CACNA2D3: variants seen among roughly 807,000 people sequenced by gnomAD.
The protein encoded by CACNA2D3 is voltage-dependent calcium channel subunit alpha-2/delta-3.
Under a neutral mutation model 160.6 loss-of-function variants are expected in CACNA2D3, and 60 were observed. The observed-to-expected ratio is 0.37, with a 90% confidence interval of 0.30 to 0.46. The LOEUF (loss-of-function observed/expected upper bound fraction) is 0.46. Ranked by LOEUF, CACNA2D3 falls within the 20% of genes least tolerant of loss-of-function variation. The pLI is 1.00. For missense variants in CACNA2D3, 1,205 were observed against 1,365.0 expected, an observed-to-expected ratio of 0.88 and a Z score of 1.85; for synonymous variants, 558 against 492.9, an observed-to-expected ratio of 1.13 and a Z score of -1.75.
chr3:54,642,295 T>A, intron 11 of CACNA2D3, 54 bp downstream of exon 11: 1 of 1,020,886 alleles, frequency 9.8e-7, no homozygotes, highest in Non-Finnish European at 1.5e-6. Flanking sequence ...ATCTTTACTG[T>A]AATCTCCAGC....
At chr3:55,032,248 T>A (rs553159334) in intron 35 of CACNA2D3, among the ~76,000 whole-genome samples, 35 of 152,210 alleles carry the variant, frequency 2.3e-4, no homozygotes, top group Non-Finnish European at 1.9e-4. Context: ...GAATTCCTGT[T>A]GGCATCCATG....
intron 4 of CACNA2D3, among the ~76,000 whole-genome samples, chr3:54,408,805 A>AT (rs1231361877): frequency 6.6e-6 from 1 of 152,028 alleles, no homozygotes; most frequent in East Asian, 1.9e-4. Flanking sequence ...TATCTTGTTA[A>AT]TTTTTTTCAC....
chr3:54,631,583 G>C (rs1374309447), intron 10 of CACNA2D3, among the ~76,000 whole-genome samples: 6 of 152,192 alleles, frequency 3.9e-5, no homozygotes, highest in African/African-American at 1.4e-4. Context: ...ATCGTGGCTG[G>C]AGCTTAGAAT....
chr3:54,736,005 A>G (rs1396290056), intron 11 of CACNA2D3, among the ~76,000 whole-genome samples: 2 of 101,114 alleles, frequency 2.0e-5, no homozygotes, highest in African/African-American at 7.6e-5. Context: ...ATATATATAT[A>G]TGTATATATA....
chr3:54,496,624 A>T (rs1379355610), intron 4 of CACNA2D3, among the ~76,000 whole-genome samples: 1 of 152,194 alleles, frequency 6.6e-6, no homozygotes, highest in South Asian at 2.1e-4. Flanking sequence ...GGTGAATTTG[A>T]TGACCAGAAG....
chr3:54,979,121 C>T (rs933642883), intron 29 of CACNA2D3, among the ~76,000 whole-genome samples: 1 of 152,124 alleles, frequency 6.6e-6, no homozygotes, highest in Admixed American at 6.5e-5. Context: ...CCCCAGATAT[C>T]TATGAGTTGA....
chr3:54,149,127 T>C (rs1038659377), intron 2 of CACNA2D3, among the ~76,000 whole-genome samples: 1 of 152,048 alleles, frequency 6.6e-6, no homozygotes, highest in Non-Finnish European at 1.5e-5. Context: ...TGGGGAGATG[T>C]TCTGGAGGTA....
At chr3:54,199,730 G>A (rs1559880000) in intron 2 of CACNA2D3, among the ~76,000 whole-genome samples, 1 of 152,128 alleles carries the variant, frequency 6.6e-6, no homozygotes, top group South Asian at 2.1e-4. Flanking sequence ...GCATGCAATT[G>A]TTAAAAATAG....
chr3:54,738,602 T>C (rs1025388989), intron 11 of CACNA2D3, among the ~76,000 whole-genome samples: 2 of 152,184 alleles, frequency 1.3e-5, no homozygotes, highest in African/African-American at 2.4e-5. Flanking sequence ...TTAAAATACA[T>C]TGTTCCTCTT....
At chr3:55,051,457 C>T (rs1264036674) in intron 35 of CACNA2D3, among the ~76,000 whole-genome samples, 1 of 152,112 alleles carries the variant, frequency 6.6e-6, no homozygotes, top group Non-Finnish European at 1.5e-5. Flanking sequence ...AGGCAGTCTG[C>T]CCTTTCTCAG....
intron 27 of CACNA2D3, among the ~76,000 whole-genome samples, chr3:54,931,176 C>T (rs1223024287): frequency 2.6e-5 from 4 of 152,184 alleles, no homozygotes; most frequent in Non-Finnish European, 5.9e-5. Flanking sequence ...CTGGCTGCTC[C>T]CACCTAAAAC....
At chr3:54,620,707 C>T (rs1698965969) in intron 9 of CACNA2D3, among the ~76,000 whole-genome samples, 1 of 152,160 alleles carries the variant, frequency 6.6e-6, no homozygotes, top group Admixed American at 6.5e-5. Flanking sequence ...CACCTGCATG[C>T]TGTAGTTTAT....
At chr3:54,505,650 T>C (rs1264654288) in intron 5 of CACNA2D3, among the ~76,000 whole-genome samples, 1 of 152,202 alleles carries the variant, frequency 6.6e-6, no homozygotes, top group Non-Finnish European at 1.5e-5. Context: ...ATTCAATATA[T>C]TCCCAACTGA....
intron 2 of CACNA2D3, among the ~76,000 whole-genome samples, chr3:54,266,631 T>C (rs1461573140): frequency 6.6e-6 from 1 of 152,174 alleles, no homozygotes; most frequent in African/African-American, 2.4e-5. Flanking sequence ...GGTGACTAGA[T>C]GAATGAATGA....
intron 8 of CACNA2D3, among the ~76,000 whole-genome samples, chr3:54,579,942 A>AC (rs1702646856): frequency 6.6e-6 from 1 of 152,232 alleles, no homozygotes; most frequent in African/African-American, 2.4e-5. Flanking sequence ...TTATATGACT[A>AC]AAAGCAAAGA....
intron 4 of CACNA2D3, among the ~76,000 whole-genome samples, chr3:54,437,872 C>T (rs1700083719): frequency 6.6e-6 from 1 of 152,204 alleles, no homozygotes; most frequent in Non-Finnish European, 1.5e-5. Context: ...GACAGACACT[C>T]ATTGGCTGAG....
chr3:54,318,432 T>C (rs754315428), intron 2 of CACNA2D3, among the ~76,000 whole-genome samples: 2 of 152,170 alleles, frequency 1.3e-5, no homozygotes, highest in Non-Finnish European at 2.9e-5. Context: ...TAGGACCATG[T>C]AAAGCAGTTC....
intron 35 of CACNA2D3, among the ~76,000 whole-genome samples, chr3:55,055,764 C>T (rs1704345040): frequency 1.3e-5 from 2 of 151,994 alleles, no homozygotes; most frequent in African/African-American, 2.4e-5. Context: ...CTTTGACCTC[C>T]TTGGTTAAAT....
chr3:54,749,096 C>T (rs1701809708), intron 11 of CACNA2D3, among the ~76,000 whole-genome samples: 1 of 152,174 alleles, frequency 6.6e-6, no homozygotes, highest in African/African-American at 2.4e-5. Flanking sequence ...AATGTCATTA[C>T]TTTCTTTTCA....
Sources: allele counts gnomAD v4.1 joint callset (sites outside exome capture counted in the v4.1 genomes callset), GRCh38; gene constraint gnomAD v4.1.1; transcripts MANE v1.5; gene names NCBI Gene and HGNC (gene_info 2026-07-23, HGNC 2026-07-21).